KIRREL3: variants seen among roughly 807,000 people sequenced by gnomAD.
KIRREL3 encodes the protein kin of IRRE-like protein 3.
A neutral mutation model predicts 89.7 loss-of-function variants in KIRREL3; 36 were observed. The ratio of observed to expected loss-of-function variants is 0.40; its 90% CI spans 0.31 to 0.53. KIRREL3 has a LOEUF of 0.53. Among genes scored for constraint, KIRREL3 ranks in the 20% least tolerant of loss-of-function variants. The pLI, the probability that KIRREL3 is intolerant of heterozygous loss-of-function variation, is 0.49. For synonymous variants in KIRREL3, 445 were observed against 441.4 expected (o/e 1.01, Z -0.10); for missense variants, 864 against 1,056.6 (o/e 0.82, Z 2.53).
Position 126,635,844 on chromosome 11 carries a change from C to T in KIRREL3, c.56-72932G>A, listed in dbSNP as rs1944246514. Among the ~76,000 whole-genome samples the T allele has an allele frequency of 6.6e-6, 1 of 152,212 alleles. No individual in the cohort carries two copies. The highest frequency in any genetic ancestry group is 2.4e-5 in the African/African-American group (1 of 41,450). ...GAGTGTGTCCCATGAATGAGACACCCTGTCCTTCTCCCTCAAGACATCCTC... is the reference window on the plus strand; with the variant it reads ...GAGTGTGTCCCATGAATGAGACACCTTGTCCTTCTCCCTCAAGACATCCTC... On this transcript the variant is annotated intron_variant, in intron 1 of 16. Coordinates refer to ENST00000525144, the MANE Select transcript of KIRREL3 (RefSeq NM_032531.4). The surrounding 1 kb of genome is among the most constrained non-coding windows in gnomAD (Gnocchi z 4.0).
chr11:126,744,839 C>T lies in KIRREL3; in HGVS notation c.56-181927G>A, dbSNP rs541275118. Among the ~76,000 whole-genome samples, 1 of 151,734 alleles carries T rather than the reference C, an allele frequency of 6.6e-6. No individual in the cohort carries two copies. The highest frequency in any genetic ancestry group is 2.4e-5 in the African/African-American group (1 of 41,328). On this transcript the variant is annotated intron_variant, in intron 1 of 16. Coordinates refer to ENST00000525144, the MANE Select transcript of KIRREL3 (RefSeq NM_032531.4). The surrounding 1 kb of genome is among the most constrained non-coding windows in gnomAD (Gnocchi z 4.7). ...ATTTGCCCTGTTGCCTGCTCTGTCC[C>T]TGACACAATAAATTGTGTCTGCCAC...
rs536910227 is a variant in KIRREL3 at position 126,475,027 on chromosome 11, TG to T, written c.434-1562del. On this transcript the variant is annotated intron_variant, in intron 4 of 16. Coordinates refer to ENST00000525144, the MANE Select transcript of KIRREL3 (RefSeq NM_032531.4). The surrounding 1 kb of genome is among the most constrained non-coding windows in gnomAD (Gnocchi z 7.5). Reference sequence around the variant, plus strand: ...CAGGAGGAGCTGGGCCCACCAGCTCTGGAGGCTGAGAGAGGCCCAGGGCCTC... The same window carrying T: ...CAGGAGGAGCTGGGCCCACCAGCTCTGAGGCTGAGAGAGGCCCAGGGCCTC... Among the ~76,000 whole-genome samples the T allele has an allele frequency of 9.2e-5, 14 of 152,266 alleles. No individual in the cohort carries two copies. In the South Asian group the frequency reaches 2.9e-3, roughly 32 times the overall value.
rs1944529421 is a variant in KIRREL3, at chr11:126,642,989, T to C, written c.56-80077A>G. Among the ~76,000 whole-genome samples the C allele has an allele frequency of 1.4e-5, 2 of 146,110 alleles. No individual in the cohort carries two copies. Among genetic ancestry groups the C allele is most frequent in the African/African-American group, 4.9e-5 (2 of 40,500 alleles). ...CTTTGGCCTCCCTTCTTCCCTCCCA[T>C]CCATCCATCCATCCATCCATCCATC... On this transcript the variant is annotated intron_variant, in intron 1 of 16. Transcript: ENST00000525144. The surrounding 1 kb of genome is among the most constrained non-coding windows in gnomAD (Gnocchi z 4.9).
chr11:126,993,406 T>C lies in KIRREL3; in HGVS notation c.55+7049A>G, dbSNP rs1275718114. ...TTGTATTTGCATACACTGTAAGGTA[T>C]GTAAGAGACTGGAAATCGCTTTTCA... On this transcript the variant is annotated intron_variant, in intron 1 of 16. Transcript: ENST00000525144. This position sits in a 1 kb window ranked among gnomAD's most constrained non-coding sequence, Gnocchi z 6.1. Among the ~76,000 whole-genome samples, 1 of 152,228 alleles carries C rather than the reference T, an allele frequency of 6.6e-6. No homozygotes were observed. The highest frequency in any genetic ancestry group is 1.5e-5 in the Non-Finnish European group (1 of 68,046).
Position 126,566,754 on chromosome 11 carries a change from G to A in KIRREL3, c.56-3842C>T, listed in dbSNP as rs1940551287. Among the ~76,000 whole-genome samples the A allele has an allele frequency of 6.6e-6, 1 of 152,200 alleles. No individual in the cohort carries two copies. The highest frequency in any genetic ancestry group is 2.4e-5 in the African/African-American group (1 of 41,448). On this transcript the variant is annotated intron_variant, in intron 1 of 16. Transcript: ENST00000525144. The surrounding 1 kb of genome is among the most constrained non-coding windows in gnomAD (Gnocchi z 4.9). ...GAATTCCTTCATTCTTACTAGTAAT[G>A]TAGTGATACGGTGGTATTATTTCAT...
chr11:126,813,524 C>T (rs550234371), intron 1 of KIRREL3, among the ~76,000 whole-genome samples: 72 of 152,294 alleles, frequency 4.7e-4, no homozygotes, highest in African/African-American at 1.7e-3. Flanking sequence ...ACATCCACTT[C>T]ATTGAGTGGG....
intron 1 of KIRREL3, among the ~76,000 whole-genome samples, chr11:126,894,524 C>CA (rs1484344869): frequency 2.2e-5 from 1 of 46,504 alleles, no homozygotes; most frequent in East Asian, 7.3e-4. Flanking sequence ...GCCTGGGCAA[C>CA]ATAATGAGAC....
chr11:126,916,399 T>A (rs1324093323), intron 1 of KIRREL3, among the ~76,000 whole-genome samples: 1 of 152,198 alleles, frequency 6.6e-6, no homozygotes, highest in Non-Finnish European at 1.5e-5. Flanking sequence ...GCCGCCAGAA[T>A]CTGCATTTTT....
intron 1 of KIRREL3, among the ~76,000 whole-genome samples, chr11:126,663,315 A>G (rs986223240): frequency 6.7e-6 from 1 of 150,062 alleles, no homozygotes; most frequent in Non-Finnish European, 1.5e-5. Context: ...CCTCCTGAGT[A>G]GCTGGGACTA....
chr11:126,643,065 C>T lies in KIRREL3; in HGVS notation c.56-80153G>A, dbSNP rs1944534019. Among the ~76,000 whole-genome samples the T allele has an allele frequency of 6.6e-6, 1 of 152,056 alleles. No homozygotes were observed. Among genetic ancestry groups the T allele is most frequent in the South Asian group, 2.1e-4 (1 of 4,830 alleles). On this transcript the variant is annotated intron_variant, in intron 1 of 16. Transcript: ENST00000525144. The surrounding 1 kb of genome is among the most constrained non-coding windows in gnomAD (Gnocchi z 4.5). ...GCATATTGTAATAAAGGAGACACAA[C>T]TCTAGGCAGATGTCATGAGCACTGG...
At chr11:126,967,628 C>T (rs1488518268) in intron 1 of KIRREL3, among the ~76,000 whole-genome samples, 5 of 152,016 alleles carry the variant, frequency 3.3e-5, no homozygotes, top group Admixed American at 6.6e-5. Flanking sequence ...TGGCCAGGAT[C>T]GTGTCCTCAG....
In KIRREL3 at chr11:126,560,107, T is replaced by C. The variant is rs148163968; in HGVS notation, c.133+2728A>G. Among the ~76,000 whole-genome samples the C allele has an allele frequency of 1.4e-4, 22 of 152,346 alleles. No homozygotes were observed. The East Asian group carries it at 4.0e-3, about 28-fold the overall frequency. On this transcript the variant is annotated intron_variant, in intron 2 of 16. Coordinates refer to ENST00000525144, the MANE Select transcript of KIRREL3 (RefSeq NM_032531.4). The stretch of plus-strand genomic sequence containing the variant: ...TGAATGATCACTCATCAGCAGTTCC[T>C]ATATAAAGCACATGTGCTTAATCAC...
In KIRREL3 at chr11:126,448,862, C is replaced by T. The variant is rs75319204; in HGVS notation, c.997+147G>A. The stretch of plus-strand genomic sequence containing the variant: ...AAATAAACATGAAACAATGCACAAA[C>T]CAGCTTTCGTCGAGTGCAAACCATC... On this transcript the variant is annotated intron_variant, in intron 8 of 16. Transcript: ENST00000525144. 11 of 766,000 alleles carry T rather than the reference C, an allele frequency of 1.4e-5. No individual in the cohort carries two copies. The South Asian group carries it at 1.7e-4, about 12-fold the overall frequency. The allele number at this position is 766,000 out of a possible 1,614,324, so 47.5% of individuals were successfully genotyped here. A position where few individuals can be genotyped will look rare whatever the true frequency, so the allele number is the denominator to read the frequency against.
In KIRREL3 at chr11:126,708,791, G is replaced by A. The variant is rs543952845; in HGVS notation, c.56-145879C>T. 6.6e-6 allele frequency among the ~76,000 whole-genome samples: 1 copy of A among 152,248 alleles called. No individual in the cohort carries two copies. The highest frequency in any genetic ancestry group is 1.9e-4 in the East Asian group (1 of 5,176). ...TTCCTCCCTCCGCTCTCCAGCTCCCGTTCCTACCAAATGCACCAATCATCA... is the reference window on the plus strand; with the variant it reads ...TTCCTCCCTCCGCTCTCCAGCTCCCATTCCTACCAAATGCACCAATCATCA... On this transcript the variant is annotated intron_variant, in intron 1 of 16. Transcript: ENST00000525144. This position sits in a 1 kb window ranked among gnomAD's most constrained non-coding sequence, Gnocchi z 5.7.
intron 1 of KIRREL3, among the ~76,000 whole-genome samples, chr11:126,725,492 T>C (rs1368000624): frequency 1.3e-5 from 2 of 152,236 alleles, no homozygotes; most frequent in Non-Finnish European, 2.9e-5. Flanking sequence ...CATTGTTGCC[T>C]GTCCATAAAC....
intron 1 of KIRREL3, among the ~76,000 whole-genome samples, chr11:126,836,944 G>A (rs1592200679): frequency 6.6e-6 from 1 of 152,252 alleles, no homozygotes; most frequent in Middle Eastern, 3.4e-3. Context: ...GACCCCTAAT[G>A]GTTGGGTCAG....
At chr11:126,590,769 C>T (rs945313938) in intron 1 of KIRREL3, among the ~76,000 whole-genome samples, 1 of 152,170 alleles carries the variant, frequency 6.6e-6, no homozygotes, top group Admixed American at 6.5e-5. Context: ...TAGTCTCTGC[C>T]CTCCTAGATA....
intron 1 of KIRREL3, among the ~76,000 whole-genome samples, chr11:126,941,982 C>A (rs1948463005): frequency 6.6e-6 from 1 of 152,158 alleles, no homozygotes; most frequent in Non-Finnish European, 1.5e-5. Context: ...CTGAAAAGAA[C>A]AAAGGAGCAG....
In KIRREL3 at chr11:126,438,312, G is replaced by A. The variant is rs554368564; in HGVS notation, c.1354-1303C>T. On this transcript the variant is annotated intron_variant, in intron 11 of 16. Coordinates refer to ENST00000525144, the MANE Select transcript of KIRREL3 (RefSeq NM_032531.4). ...CTGCTGGTTAACAGTTTTCAGAGCC[G>A]GCCACATACACTGTCTGCACCTCAT... Among the ~76,000 whole-genome samples, 44 of 152,344 alleles carry A rather than the reference G, an allele frequency of 2.9e-4. 1 individual carries two copies. Among genetic ancestry groups the A allele is most frequent in the South Asian group, 4.1e-4 (2 of 4,822 alleles).
Sources: gnomAD v4.1 joint callset for allele counts (sites outside exome capture counted in the v4.1 genomes callset) on GRCh38, gnomAD v4.1.1 for gene constraint, Gnocchi (gnomAD v3.1) non-coding constraint, MANE v1.5 for transcripts, NCBI Gene and HGNC (gene_info 2026-07-23, HGNC 2026-07-21) for gene names.